MTA3: variants seen among roughly 807,000 people sequenced by gnomAD.
MTA3 encodes metastasis-associated protein MTA3.
MTA3 carries 34 observed loss-of-function variants against 83.5 expected under a neutral mutation model. That is an observed-to-expected ratio of 0.41 (90% CI 0.31 to 0.54). The LOEUF (loss-of-function observed/expected upper bound fraction) is 0.54, where lower values mean the gene tolerates loss of function less well. Among genes scored for constraint, MTA3 ranks in the 20% least tolerant of loss-of-function variants. MTA3 has a pLI of 0.33. For synonymous variants in MTA3, 303 were observed against 252.7 expected (o/e 1.20, Z -1.89); for missense variants, 761 against 726.4 (o/e 1.05, Z -0.55).
chr2:42,704,976 A>G (rs112467668), intron 12 of MTA3, among the ~76,000 whole-genome samples: 21 of 152,340 alleles, frequency 1.4e-4, no homozygotes, highest in African/African-American at 4.3e-4. Context: ...ATTATCATCT[A>G]TGTTTCCTTC....
intron 4 of MTA3, among the ~76,000 whole-genome samples, chr2:42,621,086 A>C (rs185111795): frequency 7.9e-6 from 1 of 127,246 alleles, no homozygotes; most frequent in Admixed American, 8.3e-5. Context: ...TAAGGTAGAC[A>C]TTGAAGCAAT....
At chr2:42,649,229 C>G (rs1318256670) in intron 6 of MTA3, among the ~76,000 whole-genome samples, 2 of 152,068 alleles carry the variant, frequency 1.3e-5, no homozygotes. Flanking sequence ...AACCCCATCT[C>G]TACTAAAAAA....
At chr2:42,702,770 G>T (rs1665701202) in intron 11 of MTA3, 1 of 152,198 alleles carries the variant, frequency 6.6e-6, no homozygotes, top group South Asian at 2.1e-4. Context: ...ATGTGTACCT[G>T]TGCAGTGTTC....
chr2:42,649,445 C>G (rs1688506354), intron 6 of MTA3, among the ~76,000 whole-genome samples: 1 of 151,638 alleles, frequency 6.6e-6, no homozygotes, highest in African/African-American at 2.4e-5. Flanking sequence ...ACCAGTCACA[C>G]TCTTTGAGTG....
chr2:42,756,666 G>C lies in MTA3; in HGVS notation c.*3267G>C, dbSNP rs1558648803. The C allele has an allele frequency of 2.0e-6, 2 of 985,418 alleles. No individual in the cohort carries two copies. The highest frequency in any genetic ancestry group is 4.7e-5 in the South Asian group (1 of 21,286). The allele number at this position is 985,418 out of a possible 1,614,324, so 61.0% of individuals were successfully genotyped here. A position where few individuals can be genotyped will look rare whatever the true frequency, so the allele number is the denominator to read the frequency against. Reference sequence around the variant, plus strand: ...GCCTTTATTCTTTACTGTTGTCCCTGTTTTCCTTTGGGGGAATTTACTCAG... The same window carrying C: ...GCCTTTATTCTTTACTGTTGTCCCTCTTTTCCTTTGGGGGAATTTACTCAG... On this transcript the variant is annotated 3_prime_UTR_variant, in exon 17 of 17. Coordinates refer to ENST00000405094, the MANE Select transcript of MTA3 (RefSeq NM_001330442.2).
intron 4 of MTA3, among the ~76,000 whole-genome samples, chr2:42,623,479 G>A (rs1685773234): frequency 6.6e-6 from 1 of 152,164 alleles, no homozygotes; most frequent in African/African-American, 2.4e-5. Flanking sequence ...GTCCTCTAGA[G>A]GCAGTGCTCT....
chr2:42,716,168 C>T (rs971582901), intron 14 of MTA3, among the ~76,000 whole-genome samples: 2 of 152,060 alleles, frequency 1.3e-5, no homozygotes, highest in Non-Finnish European at 2.9e-5. Flanking sequence ...TATTTTTTCT[C>T]CTGGGAATCA....
Position 42,719,089 on chromosome 2 carries a change from A to T in MTA3, c.1612+15A>T. 1 of 1,528,862 alleles carries T rather than the reference A, an allele frequency of 6.5e-7. No homozygotes were observed. The highest frequency in any genetic ancestry group is 8.9e-7 in the Non-Finnish European group (1 of 1,127,346). 94.7% of individuals were successfully genotyped at this position (1,528,862 alleles called of 1,614,324 possible). On this transcript the variant is annotated intron_variant, in intron 15 of 16. Coordinates refer to ENST00000405094, the MANE Select transcript of MTA3 (RefSeq NM_001330442.2). Reference sequence around the variant, plus strand: ...TGGGTATTTAGGTGGGTATTTTCTAATAGAGGAAAAACTCAAAGAGCAATT... The same window carrying T: ...TGGGTATTTAGGTGGGTATTTTCTATTAGAGGAAAAACTCAAAGAGCAATT...
intron 8 of MTA3, among the ~76,000 whole-genome samples, chr2:42,672,581 A>G (rs1256127771): frequency 8.0e-6 from 1 of 124,594 alleles, no homozygotes; most frequent in African/African-American, 3.0e-5. Flanking sequence ...GGAGGTGGAG[A>G]TTGCGGTGAG....
intron 3 of MTA3, among the ~76,000 whole-genome samples, chr2:42,588,066 T>C (rs981057814): frequency 6.6e-6 from 1 of 152,120 alleles, no homozygotes; most frequent in Non-Finnish European, 1.5e-5. Context: ...CATTGTAAAA[T>C]TTTTGATAAT....
chr2:42,724,404 C>A (rs944798479), intron 16 of MTA3, among the ~76,000 whole-genome samples: 2 of 150,772 alleles, frequency 1.3e-5, no homozygotes, highest in Non-Finnish European at 2.9e-5. Context: ...AATCCCAACA[C>A]TTTGGGAGGC....
At chr2:42,611,285 G>A (rs1684179289) in intron 4 of MTA3, among the ~76,000 whole-genome samples, 1 of 150,896 alleles carries the variant, frequency 6.6e-6, no homozygotes. Context: ...GCCCAGCTGA[G>A]GTTTGTAGAC....
At chr2:42,644,626 C>G (rs1359441037) in intron 6 of MTA3, among the ~76,000 whole-genome samples, 1 of 152,092 alleles carries the variant, frequency 6.6e-6, no homozygotes, top group Non-Finnish European at 1.5e-5. Flanking sequence ...TGTGGCAACC[C>G]TGTTGAGTAA....
chr2:42,647,417 G>C (rs1688317680), intron 6 of MTA3, among the ~76,000 whole-genome samples: 2 of 151,752 alleles, frequency 1.3e-5, no homozygotes, highest in African/African-American at 4.8e-5. Flanking sequence ...ATTAGAGATG[G>C]GGTTTTGCCA....
At chr2:42,749,577 C>T (rs968788761) in intron 16 of MTA3, among the ~76,000 whole-genome samples, 2 of 152,044 alleles carry the variant, frequency 1.3e-5, no homozygotes, top group Admixed American at 6.6e-5. Context: ...AAGCAGTTCT[C>T]CTGCCTCAGC....
rs549511220 is a variant in MTA3 at position 42,670,218 on chromosome 2, C to T, written c.702+10356C>T. On this transcript the variant is annotated intron_variant, in intron 8 of 16. Transcript: ENST00000405094. ...AGGTTGCAGTGAGCTGAGATTGCGCCATTGCACGCCAGCCTGGGCAACAAG... is the reference window on the plus strand; with the variant it reads ...AGGTTGCAGTGAGCTGAGATTGCGCTATTGCACGCCAGCCTGGGCAACAAG... Among the ~76,000 whole-genome samples the T allele has an allele frequency of 2.3e-4, 34 of 150,950 alleles. 1 individual carries two copies. The highest frequency in any genetic ancestry group is 2.1e-3 in the South Asian group (10 of 4,784).
At chr2:42,504,210 G>C (rs960218432) in intron 2 of MTA3, among the ~76,000 whole-genome samples, 1 of 150,382 alleles carries the variant, frequency 6.6e-6, no homozygotes, top group Admixed American at 6.7e-5. Flanking sequence ...GTTTACAGGC[G>C]TGAGCTACCA....
rs1181181673 is a variant in MTA3, at chr2:42,535,804, C to A, written c.-140-34633C>A. The stretch of plus-strand genomic sequence containing the variant: ...ATCCTGGGGGTGGTCCTACAGCTTC[C>A]AGCATGAGCTTGGAGATAAAAATGG... On this transcript the variant is annotated intron_variant, in intron 2 of 17. Coordinates refer to the MTA3 transcript ENST00000405592. 2.6e-5 allele frequency among the ~76,000 whole-genome samples: 4 copies of A among 152,028 alleles called. No individual in the cohort carries two copies. In the East Asian group the frequency reaches 7.7e-4, roughly 29 times the overall value.
rs922632278 is a variant in MTA3, at chr2:42,714,603, A to G, written c.1526-4385A>G. 3.9e-5 allele frequency among the ~76,000 whole-genome samples: 6 copies of G among 152,312 alleles called. No homozygotes were observed. The South Asian group carries it at 1.2e-3, about 32-fold the overall frequency. The stretch of plus-strand genomic sequence containing the variant: ...AATAACCATGAGTTTCAACAAAAGT[A>G]ATAGTGTATTTCTAGGTTAACCCCA... On this transcript the variant is annotated intron_variant, in intron 14 of 16. Coordinates refer to ENST00000405094, the MANE Select transcript of MTA3 (RefSeq NM_001330442.2).
Sources: allele counts gnomAD v4.1 joint callset (sites outside exome capture counted in the v4.1 genomes callset), GRCh38; gene constraint gnomAD v4.1.1; transcripts MANE v1.5; gene names NCBI Gene and HGNC (gene_info 2026-07-23, HGNC 2026-07-21).